Variants in HEATR4 observed in about 807,000 individuals in gnomAD.
HEATR4 encodes HEAT repeat containing 4.
HEATR4 carries 95 observed loss-of-function variants against 108.8 expected under a neutral mutation model. That is an observed-to-expected ratio of 0.87 (90% CI 0.74 to 1.04). The LOEUF (loss-of-function observed/expected upper bound fraction) is 1.04, where lower values mean the gene tolerates loss of function less well. HEATR4 is among the 50% of genes least tolerant of loss of function. The pLI is 0.00. For missense variants in HEATR4, 1,152 were observed against 1,253.8 expected (o/e 0.92, Z 1.23); for synonymous variants, 443 against 459.4 (o/e 0.96, Z 0.46).
Position 73,512,043 on chromosome 14 carries a change from C to A in HEATR4, c.1521G>T (p.Leu507Phe), listed in dbSNP as rs755640056. The A allele has an allele frequency of 6.2e-7, 1 of 1,614,076 alleles. No homozygotes were observed. The highest frequency in any genetic ancestry group is 8.5e-7 in the Non-Finnish European group (1 of 1,179,988). The change falls in exon 7 of 18, where the codon TTG becomes TTT. Residue 507 changes from leucine (L) to phenylalanine (F), a missense_variant. Coordinates refer to ENST00000553558, the MANE Select transcript of HEATR4 (RefSeq NM_001220484.1). The stretch of plus-strand genomic sequence containing the variant: ...GGCTGGTGGCAATCCGGGGCCGTTC[C>A]AAAGCAGCTGTGGCACATGTGGTGA... ...KAITTCATAALERPRIATSQR... is the reference protein window; with the variant it reads ...KAITTCATAAFERPRIATSQR...
chr14:73,510,424 TTTTTTGTTTTTG>T (rs1255860236), intron 7 of HEATR4, among the ~76,000 whole-genome samples: 1 of 145,610 alleles, frequency 6.9e-6, no homozygotes, highest in Non-Finnish European at 1.5e-5. Flanking sequence ...TGGCTGGAGT[TTTTTTGTTTTTG>T]TTTTTGTTTT....
At chr14:73,606,904 C>T in the HEATR4 span, among the ~76,000 whole-genome samples, 1 of 152,246 alleles carries the variant, frequency 6.6e-6, no homozygotes, top group East Asian at 1.9e-4. Context: ...TTTAACTACT[C>T]AATAATTTTT....
At chr14:73,582,912 A>G in the HEATR4 span, 4 of 152,034 alleles carry the variant, frequency 2.6e-5, no homozygotes, top group Non-Finnish European at 5.9e-5. Context: ...AAATTACTCT[A>G]TGCTGCACTT....
the HEATR4 span, chr14:73,573,408 A>T: frequency 1.5e-5 from 25 of 1,613,510 alleles, no homozygotes; most frequent in South Asian, 2.0e-4. Flanking sequence ...CTTTCCTGGG[A>T]TTGTGGACAT....
Position 73,537,985 on chromosome 14 carries a change from G to T in HEATR4, c.-151-7741C>A. On this transcript the variant is annotated intron_variant, in intron 1 of 17. Transcript: ENST00000553558. ...GCCCCGCCCCGCTCTTTTCGCTTGT[G>T]TGTGTGTCCCTCCTCCCGCCCCACC... 2 of 955,226 alleles carry T rather than the reference G, an allele frequency of 2.1e-6. 1 individual carries two copies. Among genetic ancestry groups the T allele is most frequent in the Non-Finnish European group, 2.7e-6 (2 of 741,076 alleles). The allele number at this position is 955,226 out of a possible 1,614,324, so 59.2% of individuals were successfully genotyped here.
At chr14:73,553,330 G>T (rs1889350296) in intron 1 of HEATR4, among the ~76,000 whole-genome samples, 1 of 113,154 alleles carries the variant, frequency 8.8e-6, no homozygotes, top group African/African-American at 2.9e-5. Flanking sequence ...AACATGGTGA[G>T]ACCCCATCTC....
rs754613395 is a variant in HEATR4, at chr14:73,492,477, G to C, written c.2844+589C>G. 6.2e-7 allele frequency: 1 copy of C among 1,613,544 alleles called. No individual in the cohort carries two copies. Among genetic ancestry groups the C allele is most frequent in the Non-Finnish European group, 8.5e-7 (1 of 1,179,758 alleles). On this transcript the variant is annotated intron_variant, in intron 17 of 17. Transcript: ENST00000553558. This position sits in a 1 kb window ranked among gnomAD's most constrained non-coding sequence, Gnocchi z 4.9. The stretch of plus-strand genomic sequence containing the variant: ...GAGAAGGTGCGGGTCTTGGTTGCCC[G>C]CCTGGGACACTTTGCTCCTGTTGAT...
chr14:73,544,925 C>CA lies in HEATR4; in HGVS notation c.-152+13825dup, dbSNP rs200124190. On this transcript the variant is annotated intron_variant, in intron 1 of 17. Coordinates refer to ENST00000553558, the MANE Select transcript of HEATR4 (RefSeq NM_001220484.1). The stretch of plus-strand genomic sequence containing the variant: ...CCTGGGTGACAGCAGGATACTGTCT[C>CA]AAAAAAAAAATAAAGAAAAAGAAAG... 4.0e-3 allele frequency among the ~76,000 whole-genome samples: 365 copies of CA among 90,604 alleles called. 61 individuals are homozygous for CA. Among genetic ancestry groups the CA allele is most frequent in the African/African-American group, 0.012 (336 of 27,932 alleles). The allele number at this position is 90,604 out of a possible 152,430, so 59.4% of individuals were successfully genotyped here. A position where few individuals can be genotyped will look rare whatever the true frequency, so the allele number is the denominator to read the frequency against.
intron 3 of HEATR4, 139 bp from the exon 4 acceptor site, chr14:73,521,178 A>G (rs1316106521): frequency 1.1e-5 from 8 of 737,370 alleles, no homozygotes; most frequent in African/African-American, 1.8e-5. Context: ...ACCAATGTTT[A>G]ACTTTTAGCC....
the HEATR4 span, among the ~76,000 whole-genome samples, chr14:73,598,232 A>AAC: frequency 1.4e-5 from 2 of 146,818 alleles, no homozygotes; most frequent in East Asian, 2.1e-4. Context: ...AAAAAAAAAA[A>AAC]AAAAAAACAT....
chr14:73,570,968 G>C, the HEATR4 span, among the ~76,000 whole-genome samples: 1 of 134,924 alleles, frequency 7.4e-6, no homozygotes, highest in Non-Finnish European at 1.6e-5. Context: ...GTATTGACTA[G>C]GAAGCCACTT....
At chr14:73,610,107 C>T in the HEATR4 span, among the ~76,000 whole-genome samples, 3 of 151,908 alleles carry the variant, frequency 2.0e-5, no homozygotes, top group African/African-American at 7.3e-5. Context: ...GTCAGAGTGG[C>T]TACCTAAAGA....
chr14:73,622,065 T>C, the HEATR4 span, among the ~76,000 whole-genome samples: 1 of 151,392 alleles, frequency 6.6e-6, no homozygotes, highest in South Asian at 2.1e-4. Flanking sequence ...GCCTGGCCTG[T>C]GTAGTATAAT....
At chr14:73,566,288 T>C in the HEATR4 span, among the ~76,000 whole-genome samples, 1 of 151,732 alleles carries the variant, frequency 6.6e-6, no homozygotes, top group South Asian at 2.1e-4. Context: ...GATCGTGCAC[T>C]GGGGCTGCAG....
chr14:73,519,573 C>A (rs1263974080), intron 4 of HEATR4, among the ~76,000 whole-genome samples: 1 of 151,806 alleles, frequency 6.6e-6, no homozygotes, highest in Non-Finnish European at 1.5e-5. Flanking sequence ...GTAAGACCCC[C>A]GTCTCTACAA....
the HEATR4 span, among the ~76,000 whole-genome samples, chr14:73,604,164 C>CTTTTTT: frequency 0.025 from 3,059 of 120,498 alleles, 204 homozygotes; most frequent in African/African-American, 0.054. Flanking sequence ...TTGCTAATTT[C>CTTTTTT]TTTTTTTTTT....
chr14:73,482,413 T>G (rs1337485246), intron 17 of HEATR4, among the ~76,000 whole-genome samples: 1 of 152,080 alleles, frequency 6.6e-6, no homozygotes, highest in Non-Finnish European at 1.5e-5. Flanking sequence ...TCCTAGCTAC[T>G]CAGGAGGCTG....
At position 73,522,387 on chromosome 14, in the gene HEATR4, G is replaced by A; in HGVS notation, c.766C>T (p.Leu256=). ...GCCTCCAGCTGTTTCAGGAGCTCCA[G>A]GTCACTGGCAGAGGTAAGCTCATCC... is the stretch of plus-strand genomic sequence containing the variant. The part of the protein sequence containing the change: ...IRDELTSASD[L]ELLKQLEAEE... Residue 256 remains leucine, a synonymous_variant, in exon 3 of 18, where the codon CTG becomes TTG. Coordinates refer to ENST00000553558, the MANE Select transcript of HEATR4 (RefSeq NM_001220484.1). 6.2e-7 allele frequency: 1 copy of A among 1,614,252 alleles called. No individual in the cohort carries two copies. Among genetic ancestry groups the A allele is most frequent in the Middle Eastern group, 1.6e-4 (1 of 6,062 alleles).
chr14:73,484,306 T>C (rs1885362042), intron 17 of HEATR4, among the ~76,000 whole-genome samples: 1 of 152,120 alleles, frequency 6.6e-6, no homozygotes, highest in African/African-American at 2.4e-5. Flanking sequence ...CAATTTGTTC[T>C]GTAAAAGGCC....
Sources: gnomAD v4.1 joint callset for allele counts (sites outside exome capture counted in the v4.1 genomes callset) on GRCh38, gnomAD v4.1.1 for gene constraint, Gnocchi (gnomAD v3.1) non-coding constraint, MANE v1.5 for transcripts, NCBI Gene and HGNC (gene_info 2026-07-23, HGNC 2026-07-21) for gene names.